The following PTPRD variants were observed in gnomAD, a reference collection of about 807,000 sequenced individuals.
PTPRD encodes the protein receptor-type tyrosine-protein phosphatase delta.
PTPRD carries 34 observed loss-of-function variants against 214.5 expected under a neutral mutation model. The ratio of observed to expected loss-of-function variants is 0.16; its 90% CI spans 0.12 to 0.21. The LOEUF is 0.21. Ranked by LOEUF, PTPRD falls within the 10% of genes least tolerant of loss-of-function variation. The pLI is 1.00. For synonymous variants in PTPRD, 1,128 were observed against 845.7 expected (o/e 1.33, Z -5.79); for missense variants, 2,545 against 2,398.7 (o/e 1.06, Z -1.27).
rs776233840 is a variant in PTPRD at position 8,636,766 on chromosome 9, G to T, written c.143C>A (p.Thr48Lys). 6.2e-7 allele frequency: 1 copy of T among 1,613,998 alleles called. No individual in the cohort carries two copies. Among genetic ancestry groups the T allele is most frequent in the South Asian group, 1.1e-5 (1 of 91,064 alleles). ...GACAATTTTAGGTCTTGGGTCTCCC[G>T]TAGCTTGGCAGATGAAAGAGGCAAC... is the stretch of plus-strand genomic sequence containing the variant. ...GGVASFICQA[T>K]GDPRPKIVWN... The change falls in exon 13 of 46, where the codon ACG becomes AAG. Residue 48 changes from threonine to lysine, a missense_variant. Thr to Lys is a moderately conservative substitution (Grantham distance 78). Transcript: ENST00000381196.
intron 15 of PTPRD, 145 bp from the exon 16 acceptor site, chr9:8,527,498 A>G (rs1221388994): frequency 4.0e-6 from 3 of 753,066 alleles, no homozygotes; most frequent in Non-Finnish European, 6.5e-6. Context: ...CATTTACAAT[A>G]ACAGAATGCT....
At chr9:9,349,417 G>A (rs1381515359) in intron 9 of PTPRD, among the ~76,000 whole-genome samples, 1 of 152,008 alleles carries the variant, frequency 6.6e-6, no homozygotes, top group Non-Finnish European at 1.5e-5. Context: ...AACACTGCAA[G>A]CAAGCTTTAA....
At chr9:10,544,918 G>A (rs769369101) in intron 2 of PTPRD, among the ~76,000 whole-genome samples, 6 of 152,030 alleles carry the variant, frequency 3.9e-5, no homozygotes, top group Non-Finnish European at 5.9e-5. Flanking sequence ...ATTCTGTCCC[G>A]TACTTACCTA....
At chr9:10,138,859 A>C (rs2098961254) in intron 3 of PTPRD, among the ~76,000 whole-genome samples, 1 of 152,236 alleles carries the variant, frequency 6.6e-6, no homozygotes, top group East Asian at 1.9e-4. Flanking sequence ...CGCTTCATGA[A>C]GTAACCCTCA....
chr9:10,500,397 G>T (rs958371000), intron 2 of PTPRD, among the ~76,000 whole-genome samples: 1 of 151,762 alleles, frequency 6.6e-6, no homozygotes, highest in African/African-American at 2.4e-5. Context: ...GGACAACCTT[G>T]ATTCTTTTGT....
chr9:10,265,306 A>T (rs966704085), intron 3 of PTPRD, among the ~76,000 whole-genome samples: 1 of 152,186 alleles, frequency 6.6e-6, no homozygotes, highest in Non-Finnish European at 1.5e-5. Flanking sequence ...CATATGACTC[A>T]GTCTTCCTGA....
At chr9:9,340,246 A>G (rs2137229631) in intron 9 of PTPRD, among the ~76,000 whole-genome samples, 1 of 152,278 alleles carries the variant, frequency 6.6e-6, no homozygotes, top group South Asian at 2.1e-4. Context: ...AGACAGAAAA[A>G]CAGATGTTGC....
At chr9:9,143,976 G>A (rs867027372) in intron 10 of PTPRD, among the ~76,000 whole-genome samples, 6 of 152,098 alleles carry the variant, frequency 3.9e-5, no homozygotes, top group Non-Finnish European at 4.4e-5. Context: ...CCCCTTCTAG[G>A]AGCAGATGTT....
At chr9:8,681,708 C>T (rs1194321760) in intron 12 of PTPRD, among the ~76,000 whole-genome samples, 1 of 152,224 alleles carries the variant, frequency 6.6e-6, no homozygotes, top group East Asian at 1.9e-4. Context: ...AGATACCCCA[C>T]TGCAAACATT....
At chr9:10,092,491 G>A (rs1313799858) in intron 3 of PTPRD, among the ~76,000 whole-genome samples, 1 of 151,314 alleles carries the variant, frequency 6.6e-6, no homozygotes, top group Non-Finnish European at 1.5e-5. Flanking sequence ...AAAATTACCT[G>A]TAATCATTAT....
At chr9:8,575,604 T>C (rs1267638700) in intron 14 of PTPRD, among the ~76,000 whole-genome samples, 2 of 152,168 alleles carry the variant, frequency 1.3e-5, no homozygotes, top group Middle Eastern at 3.2e-3. Flanking sequence ...AGAAGAGATA[T>C]ATTCGTTTAT....
chr9:9,008,664 A>G (rs569951168), intron 11 of PTPRD, among the ~76,000 whole-genome samples: 2 of 152,280 alleles, frequency 1.3e-5, no homozygotes, highest in Admixed American at 1.3e-4. Flanking sequence ...TGAAGAAATC[A>G]AACAGTAGAA....
intron 5 of PTPRD, among the ~76,000 whole-genome samples, chr9:9,851,454 T>C (rs550010110): frequency 9.1e-4 from 138 of 151,810 alleles, no homozygotes; most frequent in African/African-American, 3.1e-3. Context: ...CTCTTTTTGT[T>C]TTGGTTCAAG....
At chr9:9,070,195 T>C (rs1391011754) in intron 10 of PTPRD, among the ~76,000 whole-genome samples, 3 of 152,208 alleles carry the variant, frequency 2.0e-5, no homozygotes, top group African/African-American at 7.2e-5. Context: ...CTTGATTCTC[T>C]AGACTTACAC....
chr9:10,340,346 C>G (rs2096915747), intron 3 of PTPRD, among the ~76,000 whole-genome samples: 1 of 151,896 alleles, frequency 6.6e-6, no homozygotes, highest in Non-Finnish European at 1.5e-5. Context: ...ACAGGGTCAA[C>G]CCAAGTGGAT....
chr9:9,833,269 A>T (rs895040251), intron 5 of PTPRD, among the ~76,000 whole-genome samples: 1 of 152,046 alleles, frequency 6.6e-6, no homozygotes, highest in Non-Finnish European at 1.5e-5. Context: ...ATAAATTTTA[A>T]AGCTGGGCAT....
intron 11 of PTPRD, among the ~76,000 whole-genome samples, chr9:8,742,105 G>A (rs1462488504): frequency 1.3e-5 from 2 of 151,910 alleles, no homozygotes; most frequent in African/African-American, 4.8e-5. Flanking sequence ...TATACATCAA[G>A]CTATAAGACA....
chr9:8,599,615 T>TCCCCCCCC (rs2094703353), intron 14 of PTPRD, among the ~76,000 whole-genome samples: 1 of 49,184 alleles, frequency 2.0e-5, no homozygotes, highest in African/African-American at 9.9e-5. Flanking sequence ...CGCCCACCCT[T>TCCCCCCCC]TTTTTTTTTT....
chr9:8,942,634 G>A (rs138045603), intron 11 of PTPRD, among the ~76,000 whole-genome samples: 1 of 152,058 alleles, frequency 6.6e-6, no homozygotes, highest in East Asian at 1.9e-4. Context: ...GATTAAACAT[G>A]ACAACAACAT....
Sources: gnomAD v4.1 joint callset for allele counts (sites outside exome capture counted in the v4.1 genomes callset) on GRCh38, gnomAD v4.1.1 for gene constraint, MANE v1.5 for transcripts, NCBI Gene and HGNC (gene_info 2026-07-23, HGNC 2026-07-21) for gene names.